Variants in LRRC4C observed in about 807,000 individuals in gnomAD.
The protein encoded by LRRC4C is leucine rich repeat containing 4C.
Under a neutral mutation model 33.6 loss-of-function variants are expected in LRRC4C, and 5 were observed. That is an observed-to-expected ratio of 0.15 (90% CI 0.08 to 0.31). LRRC4C has a LOEUF of 0.31. Among genes scored for constraint, LRRC4C ranks in the 10% least tolerant of loss-of-function variants. The pLI, the probability that LRRC4C is intolerant of heterozygous loss-of-function variation, is 1.00. For synonymous variants in LRRC4C, 329 were observed against 302.0 expected (o/e 1.09, Z -0.93); for missense variants, 560 against 796.7 (o/e 0.70, Z 3.58).
At chr11:41,061,071 C>G in intron 1 of LRRC4C, among the ~76,000 whole-genome samples, 1 of 152,028 alleles carries the variant, frequency 6.6e-6, no homozygotes, top group Admixed American at 6.5e-5. Flanking sequence ...TTAATATTCT[C>G]AAGCAGAGAA....
At chr11:40,270,480 T>A (rs1942609826) in intron 4 of LRRC4C, among the ~76,000 whole-genome samples, 1 of 152,008 alleles carries the variant, frequency 6.6e-6, no homozygotes, top group Non-Finnish European at 1.5e-5. Context: ...CTTAATTACT[T>A]CTTCAAAGAT....
intron 1 of LRRC4C, among the ~76,000 whole-genome samples, chr11:41,016,020 A>G (rs921534312): frequency 1.3e-5 from 2 of 152,080 alleles, no homozygotes; most frequent in African/African-American, 4.8e-5. Flanking sequence ...AACAACAACA[A>G]AAAGTATCAA....
intron 3 of LRRC4C, among the ~76,000 whole-genome samples, chr11:40,613,170 T>A (rs1314360569): frequency 6.6e-6 from 1 of 151,848 alleles, no homozygotes; most frequent in South Asian, 2.1e-4. Flanking sequence ...GCACATCAAT[T>A]GACTCTTTCT....
chr11:41,037,731 T>C (rs10837555), intron 1 of LRRC4C, among the ~76,000 whole-genome samples: 79,672 of 151,998 alleles, frequency 0.52, 21,475 homozygotes, highest in East Asian at 0.65. Flanking sequence ...ATAACACATA[T>C]AGTAGGTGAG....
At chr11:41,254,049 T>C (rs944748382) in intron 1 of LRRC4C, among the ~76,000 whole-genome samples, 4 of 152,228 alleles carry the variant, frequency 2.6e-5, no homozygotes, top group African/African-American at 4.8e-5. Flanking sequence ...TTACAAAATA[T>C]ATATACGACC....
intron 1 of LRRC4C, among the ~76,000 whole-genome samples, chr11:41,324,083 C>A (rs1401668485): frequency 6.6e-6 from 1 of 152,082 alleles, no homozygotes; most frequent in Non-Finnish European, 1.5e-5. Flanking sequence ...AAAGTCTCAC[C>A]TTCAAATTAC....
chr11:40,768,980 C>A (rs1949616836), intron 2 of LRRC4C, among the ~76,000 whole-genome samples: 1 of 152,072 alleles, frequency 6.6e-6, no homozygotes, highest in African/African-American at 2.4e-5. Context: ...TTAGTCCCAG[C>A]TAGTGTTATC....
chr11:41,256,776 A>C (rs1363881569), intron 1 of LRRC4C, among the ~76,000 whole-genome samples: 3 of 152,014 alleles, frequency 2.0e-5, no homozygotes, highest in Non-Finnish European at 4.4e-5. Flanking sequence ...AAGGCCATAG[A>C]CCATAAAAAT....
At chr11:40,908,776 A>G (rs946954674) in intron 2 of LRRC4C, among the ~76,000 whole-genome samples, 1 of 152,158 alleles carries the variant, frequency 6.6e-6, no homozygotes, top group Non-Finnish European at 1.5e-5. Context: ...TCTAAATAAT[A>G]TGCAAATTTG....
intron 1 of LRRC4C, among the ~76,000 whole-genome samples, chr11:41,009,209 ATATT>A (rs1369235430): frequency 6.6e-6 from 1 of 151,948 alleles, no homozygotes; most frequent in African/African-American, 2.4e-5. Flanking sequence ...TGTTTTGAAT[ATATT>A]TATTCAAAAT....
Position 41,368,108 on chromosome 11 carries a change from C to A in LRRC4C, c.-496+91323G>T, listed in dbSNP as rs60030485. On this transcript the variant is annotated intron_variant, in intron 1 of 6. Coordinates refer to ENST00000528697, the MANE Select transcript of LRRC4C (RefSeq NM_001258419.2). Reference sequence around the variant, plus strand: ...TTTCTGCTATATATTTATCAGAGTACTCAGATTTCAGGCTTTAAATTACAG... The same window carrying A: ...TTTCTGCTATATATTTATCAGAGTAATCAGATTTCAGGCTTTAAATTACAG... Among the ~76,000 whole-genome samples the A allele has an allele frequency of 3.4e-3, 521 of 152,248 alleles. 2 individuals are homozygous for A. Among genetic ancestry groups the A allele is most frequent in the African/African-American group, 0.012 (481 of 41,542 alleles).
At chr11:41,251,053 A>T (rs1386073677) in intron 1 of LRRC4C, among the ~76,000 whole-genome samples, 1 of 152,286 alleles carries the variant, frequency 6.6e-6, no homozygotes, top group East Asian at 1.9e-4. Context: ...ATCAATTCTT[A>T]TTTTACTTTA....
chr11:40,170,930 A>G (rs1400707668), intron 5 of LRRC4C, among the ~76,000 whole-genome samples: 1 of 152,210 alleles, frequency 6.6e-6, no homozygotes, highest in Non-Finnish European at 1.5e-5. Flanking sequence ...CACGCTAATA[A>G]ATTCTACCAG....
At chr11:41,160,380 T>TAAA (rs61443237) in intron 1 of LRRC4C, among the ~76,000 whole-genome samples, 7,093 of 132,544 alleles carry the variant, frequency 0.054, 201 homozygotes, top group East Asian at 0.074. Context: ...ACCCTCTTTC[T>TAAA]AAAAAAAAAA....
rs1229857778 is a variant in LRRC4C at position 41,364,283 on chromosome 11, C to CT, written c.-496+95147dup. ...ATTTTTTAAAGCTGAATTATAACCA[C>CT]TTTTTTTTCTTTTGAGATGGAGTCT... On this transcript the variant is annotated intron_variant, in intron 1 of 6. Transcript: ENST00000528697. 3.9e-5 allele frequency among the ~76,000 whole-genome samples: 6 copies of CT among 152,004 alleles called. No homozygotes were observed. In the East Asian group the frequency reaches 1.2e-3, roughly 29 times the overall value.
chr11:40,495,299 C>T (rs978638394), intron 3 of LRRC4C, among the ~76,000 whole-genome samples: 4 of 152,008 alleles, frequency 2.6e-5, no homozygotes, highest in South Asian at 2.1e-4. Flanking sequence ...CCGCCCCCCC[C>T]GCCAGAAAAA....
At chr11:41,207,844 T>A (rs1946662040) in intron 1 of LRRC4C, among the ~76,000 whole-genome samples, 1 of 152,136 alleles carries the variant, frequency 6.6e-6, no homozygotes, top group Non-Finnish European at 1.5e-5. Flanking sequence ...CTAATATAGA[T>A]TTTAGTACTG....
chr11:40,127,644 T>C (rs1201502788), intron 6 of LRRC4C, among the ~76,000 whole-genome samples: 2 of 152,184 alleles, frequency 1.3e-5, no homozygotes, highest in African/African-American at 4.8e-5. Context: ...GATGAGAAAG[T>C]AAATGACTTT....
chr11:40,977,518 A>T (rs544029715), intron 1 of LRRC4C, among the ~76,000 whole-genome samples: 2 of 152,194 alleles, frequency 1.3e-5, no homozygotes, highest in Admixed American at 6.5e-5. Context: ...GTGACTTAAG[A>T]CTCTGTGTCT....
Sources: allele counts gnomAD v4.1 joint callset (sites outside exome capture counted in the v4.1 genomes callset), GRCh38; gene constraint gnomAD v4.1.1; transcripts MANE v1.5; gene names NCBI Gene and HGNC (gene_info 2026-07-23, HGNC 2026-07-21).